The following CCL26 variants were observed in gnomAD, a reference collection of about 807,000 sequenced individuals.
The protein encoded by CCL26 is C-C motif chemokine ligand 26, also known as C-C motif chemokine 26.
A neutral mutation model predicts 10.7 loss-of-function variants in CCL26; 10 were observed. The ratio of observed to expected loss-of-function variants is 0.93; its 90% CI spans 0.57 to 1.58. CCL26 has a LOEUF of 1.58. Ranked by LOEUF, CCL26 falls within the 40% of genes most tolerant of loss-of-function variation. The pLI is 0.00. For synonymous variants in CCL26, 43 were observed against 41.4 expected (o/e 1.04, Z -0.15); for missense variants, 116 against 111.0 (o/e 1.05, Z -0.20).
upstream of CCL26, among the ~76,000 whole-genome samples, chr7:75,791,068 G>A (rs559328055): frequency 3.1e-4 from 42 of 137,290 alleles, no homozygotes; most frequent in Admixed American, 8.8e-4. Context: ...CTCTTGTCAC[G>A]CAGGCTGGAG....
chr7:75,779,125 G>T (rs886718419), intron 1 of CCL26, among the ~76,000 whole-genome samples: 1 of 151,478 alleles, frequency 6.6e-6, no homozygotes, highest in Non-Finnish European at 1.5e-5. Flanking sequence ...ACCCCTGCCC[G>T]CCAGAGAACA....
At chr7:75,776,136 A>G (rs1012241128), upstream of CCL26, among the ~76,000 whole-genome samples, 7 of 149,248 alleles carry the variant, frequency 4.7e-5, no homozygotes, top group Non-Finnish European at 8.9e-5. Context: ...CAGTGGCACA[A>G]TCTCAGCTCA....
At chr7:75,770,987 T>C (rs11465341) in intron 2 of CCL26, among the ~76,000 whole-genome samples, 1,538 of 152,216 alleles carry the variant, frequency 0.01, 22 homozygotes, top group African/African-American at 0.035. Context: ...AATACAAAAC[T>C]CGGTGATGCA....
At chr7:75,784,905 A>G (rs1371238520) in intron 1 of CCL26, among the ~76,000 whole-genome samples, 1 of 151,972 alleles carries the variant, frequency 6.6e-6, no homozygotes, top group Non-Finnish European at 1.5e-5. Context: ...ACACCGCTCA[A>G]CGGCAATATC....
Position 75,770,656 on chromosome 7 carries a change from C to A in CCL26, c.189-867G>T, listed in dbSNP as rs375911917. On this transcript the variant is annotated intron_variant, in intron 2 of 2. Coordinates refer to ENST00000005180, the MANE Select transcript of CCL26 (RefSeq NM_001371938.1). ...TCAGCCTCCCAAAGTGCTGGGATTA[C>A]AGGCGTGAGCCACCACGCCCGGCCT... Among the ~76,000 whole-genome samples, 13 of 152,164 alleles carry A rather than the reference C, an allele frequency of 8.5e-5. No homozygotes were observed. In the East Asian group the frequency reaches 2.1e-3, roughly 25 times the overall value.
At chr7:75,781,266 G>A (rs1554529428) in intron 1 of CCL26, among the ~76,000 whole-genome samples, 1 of 152,224 alleles carries the variant, frequency 6.6e-6, no homozygotes, top group South Asian at 2.1e-4. Context: ...CAATAATAGA[G>A]TAGAGGCAGC....
At chr7:75,789,076 C>T (rs1483524491) in intron 1 of CCL26, among the ~76,000 whole-genome samples, 4 of 148,842 alleles carry the variant, frequency 2.7e-5, no homozygotes, top group Admixed American at 1.4e-4. Context: ...TGCGCACCAC[C>T]GTGCCCAGTT....
At chr7:75,776,601 A>C (rs903860697), upstream of CCL26, among the ~76,000 whole-genome samples, 19 of 151,570 alleles carry the variant, frequency 1.3e-4, no homozygotes, top group Admixed American at 5.9e-4. Flanking sequence ...AGCAAGCAAG[A>C]AAGAAAGAAA....
At chr7:75,774,480 T>G (rs1802892442), upstream of CCL26, among the ~76,000 whole-genome samples, 1 of 151,648 alleles carries the variant, frequency 6.6e-6, no homozygotes, top group Admixed American at 6.6e-5. Flanking sequence ...AGAGTCTTGC[T>G]CTGTCATCCA....
upstream of CCL26, among the ~76,000 whole-genome samples, chr7:75,790,939 CA>C (rs55689210): frequency 6.5e-4 from 84 of 128,396 alleles, no homozygotes; most frequent in Admixed American, 9.5e-4. Flanking sequence ...GACTCCATTT[CA>C]AAAAAAAAAA....
intron 1 of CCL26, among the ~76,000 whole-genome samples, chr7:75,788,066 G>A (rs574044727): frequency 8.6e-5 from 13 of 151,622 alleles, no homozygotes; most frequent in African/African-American, 1.9e-4. Flanking sequence ...GAGAAATATC[G>A]CCCATTATCT....
At chr7:75,785,751 C>T (rs192487273) in intron 1 of CCL26, among the ~76,000 whole-genome samples, 4 of 152,280 alleles carry the variant, frequency 2.6e-5, no homozygotes, top group Admixed American at 2.0e-4. Context: ...TTCCTCTTTC[C>T]GTTCCTTGAA....
At chr7:75,780,807 G>C (rs1554529336) in intron 1 of CCL26, among the ~76,000 whole-genome samples, 1 of 151,948 alleles carries the variant, frequency 6.6e-6, no homozygotes, top group African/African-American at 2.4e-5. Flanking sequence ...TCGTTGCCAG[G>C]CCGAGCCAGG....
chr7:75,785,096 A>G (rs782041310), intron 1 of CCL26, among the ~76,000 whole-genome samples: 1 of 151,884 alleles, frequency 6.6e-6, no homozygotes, highest in Non-Finnish European at 1.5e-5. Context: ...TTGCCTATCC[A>G]CCCCGTAGTG....
At chr7:75,782,134 C>T (rs1384368712) in intron 1 of CCL26, among the ~76,000 whole-genome samples, 2 of 152,298 alleles carry the variant, frequency 1.3e-5, no homozygotes, top group Non-Finnish European at 2.9e-5. Context: ...CCCTCAACCT[C>T]TTTTTCCTTT....
At chr7:75,779,895 C>T (rs1256790228) in intron 1 of CCL26, among the ~76,000 whole-genome samples, 3 of 152,054 alleles carry the variant, frequency 2.0e-5, no homozygotes, top group African/African-American at 4.8e-5. Flanking sequence ...GCCCCTCCCA[C>T]CCTTTCTCCA....
At chr7:75,775,504 G>A (rs1439777473), upstream of CCL26, among the ~76,000 whole-genome samples, 6 of 152,142 alleles carry the variant, frequency 3.9e-5, no homozygotes, top group African/African-American at 7.2e-5. Context: ...AACGCAAGGG[G>A]AGTTATTAAG....
chr7:75,772,037 C>T (rs1802833998), intron 1 of CCL26, 34 bp from the exon 2 acceptor site: 7 of 1,601,174 alleles, frequency 4.4e-6, no homozygotes, highest in Middle Eastern at 1.7e-4. Flanking sequence ...TTTGGAGATA[C>T]TCATTTCCAT....
At chr7:75,790,178 C>CTTTCTTT (rs1554530614), upstream of CCL26, among the ~76,000 whole-genome samples, 56 of 44,334 alleles carry the variant, frequency 1.3e-3, no homozygotes, top group South Asian at 6.4e-3. Flanking sequence ...TTCCTTCCTT[C>CTTTCTTT]CTTTCTTTCT....
Sources: allele counts gnomAD v4.1 joint callset (sites outside exome capture counted in the v4.1 genomes callset), GRCh38; gene constraint gnomAD v4.1.1; transcripts MANE v1.5; gene names NCBI Gene and HGNC (gene_info 2026-07-23, HGNC 2026-07-21).